Variants in SHOC1 observed in about 807,000 individuals in gnomAD.
The protein encoded by SHOC1 is protein shortage in chiasmata 1 ortholog.
A neutral mutation model predicts 179.2 loss-of-function variants in SHOC1; 136 were observed. The observed-to-expected ratio is 0.76, with a 90% confidence interval of 0.66 to 0.87. The LOEUF (loss-of-function observed/expected upper bound fraction) is 0.87, where lower values mean the gene tolerates loss of function less well. Ranked by LOEUF, SHOC1 falls within the 40% of genes least tolerant of loss-of-function variation. The pLI is 0.00. For synonymous variants in SHOC1, 489 were observed against 586.6 expected (o/e 0.83, Z 2.41); for missense variants, 1,538 against 1,700.8 (o/e 0.90, Z 1.68).
intron 8 of SHOC1, among the ~76,000 whole-genome samples, chr9:111,750,259 T>C (rs938880147): frequency 8.5e-5 from 13 of 152,220 alleles, no homozygotes; most frequent in African/African-American, 3.1e-4. Flanking sequence ...ATTGTGGCTT[T>C]GATTTGCATT....
intron 2 of SHOC1, 64 bp from the exon 3 acceptor site, chr9:111,786,099 A>G: frequency 9.0e-7 from 1 of 1,106,894 alleles, no homozygotes; most frequent in Non-Finnish European, 1.2e-6. Flanking sequence ...TTCAGAATAT[A>G]TTAAAATTCT....
intron 5 of SHOC1, among the ~76,000 whole-genome samples, chr9:111,770,216 T>A (rs1009948394): frequency 6.6e-6 from 1 of 152,034 alleles, no homozygotes; most frequent in Non-Finnish European, 1.5e-5. Context: ...TTTTGGTATG[T>A]TTTATTTCCA....
At chr9:111,732,597 C>T (rs1833628879) in intron 12 of SHOC1, among the ~76,000 whole-genome samples, 1 of 152,090 alleles carries the variant, frequency 6.6e-6, no homozygotes, top group South Asian at 2.1e-4. Context: ...TAGTGATACA[C>T]AACATCATGA....
At chr9:111,755,305 C>T (rs1445655723) in intron 8 of SHOC1, among the ~76,000 whole-genome samples, 3 of 152,234 alleles carry the variant, frequency 2.0e-5, no homozygotes, top group African/African-American at 7.2e-5. Context: ...ATCTACTTTC[C>T]CAGGTTGGCT....
chr9:111,729,408 G>C lies in SHOC1; in HGVS notation c.1418-1359C>G, dbSNP rs148170384. Among the ~76,000 whole-genome samples, 28 of 152,276 alleles carry C rather than the reference G, an allele frequency of 1.8e-4. 2 individuals are homozygous for C. In the East Asian group the frequency reaches 5.4e-3, roughly 29 times the overall value. ...AGGTGAAAGCCACTGTGCCCGGCTA[G>C]GGGGTCTTGTCTCAATGTTGACAGC... On this transcript the variant is annotated intron_variant, in intron 12 of 27. Coordinates refer to ENST00000682961, the MANE Select transcript of SHOC1 (RefSeq NM_001378211.1).
At chr9:111,781,155 T>A in intron 3 of SHOC1, 138 bp from the exon 4 acceptor site, 1 of 637,854 alleles carries the variant, frequency 1.6e-6, no homozygotes, top group East Asian at 2.9e-5. Flanking sequence ...GATACCTGAT[T>A]CCAAATATTT....
At chr9:111,736,072 A>G (rs1398833811) in intron 12 of SHOC1, among the ~76,000 whole-genome samples, 2 of 152,204 alleles carry the variant, frequency 1.3e-5, no homozygotes, top group Non-Finnish European at 2.9e-5. Flanking sequence ...TAGATGACAC[A>G]AATAAAAGGA....
chr9:111,773,252 TAACA>T (rs1199844423), intron 5 of SHOC1, among the ~76,000 whole-genome samples: 2 of 152,220 alleles, frequency 1.3e-5, no homozygotes, highest in Non-Finnish European at 2.9e-5. Flanking sequence ...TTGTAAACTT[TAACA>T]AACTATTTGA....
intron 3 of SHOC1, among the ~76,000 whole-genome samples, chr9:111,781,669 G>A (rs980890815): frequency 6.6e-6 from 1 of 152,080 alleles, no homozygotes; most frequent in Admixed American, 6.6e-5. Context: ...GCTGCAGTGA[G>A]CAGAGATTGT....
chr9:111,698,625 G>C (rs569559194), intron 24 of SHOC1, among the ~76,000 whole-genome samples: 125 of 146,782 alleles, frequency 8.5e-4, no homozygotes, highest in African/African-American at 2.8e-3. Context: ...GTCAGGTAGC[G>C]TGATGTGGGG....
chr9:111,790,476 A>AT (rs1321657744), intron 2 of SHOC1, among the ~76,000 whole-genome samples: 1 of 152,036 alleles, frequency 6.6e-6, no homozygotes, highest in Non-Finnish European at 1.5e-5. Context: ...AAGAGTTTCC[A>AT]TTTTTTTCTC....
At chr9:111,747,243 A>T (rs988737527) in intron 9 of SHOC1, among the ~76,000 whole-genome samples, 10 of 152,168 alleles carry the variant, frequency 6.6e-5, no homozygotes, top group African/African-American at 2.4e-4. Flanking sequence ...AATTCAGAAG[A>T]TCCAATTATA....
chr9:111,697,453 G>A (rs1831752448), intron 24 of SHOC1, among the ~76,000 whole-genome samples: 1 of 152,036 alleles, frequency 6.6e-6, no homozygotes, highest in African/African-American at 2.4e-5. Flanking sequence ...TTGGTTTTCT[G>A]TCCTTGTGAC....
At chr9:111,748,786 C>T (rs1439495413) in intron 8 of SHOC1, among the ~76,000 whole-genome samples, 1 of 99,264 alleles carries the variant, frequency 1.0e-5, no homozygotes, top group African/African-American at 4.0e-5. Flanking sequence ...TCCCTCCCTC[C>T]CCTCCCCCCC....
At chr9:111,769,958 G>A (rs185087426) in intron 5 of SHOC1, among the ~76,000 whole-genome samples, 8 of 137,106 alleles carry the variant, frequency 5.8e-5, no homozygotes, top group Non-Finnish European at 9.3e-5. Flanking sequence ...TTAATCTAGC[G>A]AAAGGTTTTA....
chr9:111,779,117 AG>A (rs1409549622), intron 4 of SHOC1, among the ~76,000 whole-genome samples: 1,218 of 118,568 alleles, frequency 0.01, 22 homozygotes, highest in African/African-American at 0.039. Flanking sequence ...AAAAAAAAAG[AG>A]AGAGAGAGAG....
chr9:111,777,465 G>T (rs1835879549), intron 4 of SHOC1, among the ~76,000 whole-genome samples: 2 of 152,182 alleles, frequency 1.3e-5, no homozygotes, highest in South Asian at 4.1e-4. Flanking sequence ...ACAGCTTAAA[G>T]GTTCGAGGCA....
intron 2 of SHOC1, among the ~76,000 whole-genome samples, chr9:111,787,100 A>T (rs1836287489): frequency 6.6e-6 from 1 of 152,178 alleles, no homozygotes; most frequent in Non-Finnish European, 1.5e-5. Flanking sequence ...GAAAAAAAAG[A>T]TTACTTTAAA....
At chr9:111,727,070 C>CA (rs1293092035) in intron 13 of SHOC1, among the ~76,000 whole-genome samples, 1 of 152,076 alleles carries the variant, frequency 6.6e-6, no homozygotes, top group Admixed American at 6.6e-5. Flanking sequence ...TAACCTATGT[C>CA]AAACTTATTC....
Sources: gnomAD v4.1 joint callset for allele counts (sites outside exome capture counted in the v4.1 genomes callset) on GRCh38, gnomAD v4.1.1 for gene constraint, MANE v1.5 for transcripts, NCBI Gene and HGNC (gene_info 2026-07-23, HGNC 2026-07-21) for gene names.